The following PTPRT variants were observed in gnomAD, a reference collection of about 807,000 sequenced individuals.
PTPRT encodes the protein receptor-type tyrosine-protein phosphatase T.
A neutral mutation model predicts 176.8 loss-of-function variants in PTPRT; 56 were observed. The ratio of observed to expected loss-of-function variants is 0.32; its 90% CI spans 0.26 to 0.40. The LOEUF (loss-of-function observed/expected upper bound fraction) is 0.40. PTPRT is among the 10% of genes least tolerant of loss of function. PTPRT has a pLI of 1.00. For missense variants in PTPRT, 1,540 were observed against 1,908.2 expected (o/e 0.81, Z 3.60); for synonymous variants, 783 against 739.0 (o/e 1.06, Z -0.96).
intron 16 of PTPRT, among the ~76,000 whole-genome samples, chr20:42,180,625 T>A (rs1211476396): frequency 3.9e-5 from 6 of 152,212 alleles, no homozygotes; most frequent in Non-Finnish European, 8.8e-5. Flanking sequence ...AAGTGCATAA[T>A]ATGTCAGGCA....
At chr20:42,776,021 C>G (rs996599951) in intron 4 of PTPRT, among the ~76,000 whole-genome samples, 1 of 152,164 alleles carries the variant, frequency 6.6e-6, no homozygotes, top group Non-Finnish European at 1.5e-5. Flanking sequence ...TCCCTGTAAG[C>G]AGTCCCTGGG....
At chr20:42,247,737 G>C (rs2056478925) in intron 14 of PTPRT, among the ~76,000 whole-genome samples, 1 of 152,214 alleles carries the variant, frequency 6.6e-6, no homozygotes. Context: ...GGAAGGTAGA[G>C]ACTAAGGTTG....
intron 1 of PTPRT, among the ~76,000 whole-genome samples, chr20:43,058,009 CAAGG>C (rs2146246243): frequency 6.6e-6 from 1 of 152,204 alleles, no homozygotes; most frequent in Non-Finnish European, 1.5e-5. Context: ...GGGGAACAGG[CAAGG>C]AAGGAAGTAT....
rs1477718874 is a variant in PTPRT, at chr20:42,240,442, C to T, written c.2313-4184G>A. Among the ~76,000 whole-genome samples the T allele has an allele frequency of 3.9e-5, 6 of 152,148 alleles. No individual in the cohort carries two copies. The East Asian group carries it at 1.2e-3, about 29-fold the overall frequency. On this transcript the variant is annotated intron_variant, in intron 14 of 30. Transcript: ENST00000373187. ...AATCCTGAGCAGGAAGACAGCTGTG[C>T]TTAGAAAAAACAAAACAAAACAAAA...
At chr20:42,880,336 G>T (rs2078996040) in intron 2 of PTPRT, among the ~76,000 whole-genome samples, 1 of 152,066 alleles carries the variant, frequency 6.6e-6, no homozygotes, top group Non-Finnish European at 1.5e-5. Context: ...GGGGACTGAG[G>T]GTCAGATTCA....
At chr20:42,295,146 G>T (rs2057370172) in intron 12 of PTPRT, among the ~76,000 whole-genome samples, 1 of 152,118 alleles carries the variant, frequency 6.6e-6, no homozygotes. Flanking sequence ...TGGGGAAAAT[G>T]CACCTGAAAA....
intron 1 of PTPRT, among the ~76,000 whole-genome samples, chr20:42,893,405 T>C (rs1221055312): frequency 2.0e-5 from 3 of 151,962 alleles, no homozygotes; most frequent in Non-Finnish European, 2.9e-5. Context: ...ACTTTTACAC[T>C]GTTGGTGGGA....
chr20:42,765,991 T>C (rs1370572320), intron 5 of PTPRT, among the ~76,000 whole-genome samples: 1 of 152,176 alleles, frequency 6.6e-6, no homozygotes, highest in Non-Finnish European at 1.5e-5. Flanking sequence ...AATTTACTCA[T>C]TGGAAAAATA....
At position 42,402,969 on chromosome 20, in the gene PTPRT, G is replaced by A. The variant is rs187952154; in HGVS notation, c.1560+45251C>T. On this transcript the variant is annotated intron_variant, in intron 9 of 30. Transcript: ENST00000373187. Reference sequence around the variant, plus strand: ...TATACAGCTGACATATATAAAAATGGCACAGTTTTAAGAAGGCAATCATTA... The same window carrying A: ...TATACAGCTGACATATATAAAAATGACACAGTTTTAAGAAGGCAATCATTA... Among the ~76,000 whole-genome samples, 3 of 152,158 alleles carry A rather than the reference G, an allele frequency of 2.0e-5. No homozygotes were observed. The East Asian group carries it at 5.8e-4, about 29-fold the overall frequency.
intron 7 of PTPRT, among the ~76,000 whole-genome samples, chr20:42,502,874 T>G (rs939259015): frequency 1.3e-5 from 2 of 152,136 alleles, no homozygotes; most frequent in African/African-American, 4.8e-5. Flanking sequence ...AATAGATGAT[T>G]GCAAACTGCT....
chr20:42,577,540 G>A (rs973900122), intron 7 of PTPRT, among the ~76,000 whole-genome samples: 1 of 152,196 alleles, frequency 6.6e-6, no homozygotes, highest in Non-Finnish European at 1.5e-5. Flanking sequence ...CTGCAGACTG[G>A]GGATGTTTAG....
At chr20:42,899,775 A>G (rs557699524) in intron 1 of PTPRT, among the ~76,000 whole-genome samples, 1 of 152,322 alleles carries the variant, frequency 6.6e-6, no homozygotes, top group South Asian at 2.1e-4. Context: ...AATATGATGA[A>G]GTGTCAGAAG....
chr20:42,245,510 C>T (rs1341953063), intron 14 of PTPRT, among the ~76,000 whole-genome samples: 1 of 152,210 alleles, frequency 6.6e-6, no homozygotes, highest in Non-Finnish European at 1.5e-5. Flanking sequence ...CAGGCAACAA[C>T]AACAAAACAC....
the PTPRT span, among the ~76,000 whole-genome samples, chr20:42,065,149 G>GAA: frequency 6.6e-6 from 1 of 152,208 alleles, no homozygotes; most frequent in Non-Finnish European, 1.5e-5. Flanking sequence ...GTAACCACAT[G>GAA]AAAGACCCTT....
intron 15 of PTPRT, among the ~76,000 whole-genome samples, chr20:42,232,205 T>C (rs549635091): frequency 2.1e-4 from 32 of 152,198 alleles, no homozygotes; most frequent in Non-Finnish European, 4.4e-4. Flanking sequence ...TTGAAGAGAC[T>C]GGTGAGCCAA....
At chr20:42,037,853 T>C in the PTPRT span, among the ~76,000 whole-genome samples, 1 of 152,214 alleles carries the variant, frequency 6.6e-6, no homozygotes, top group African/African-American at 2.4e-5. Flanking sequence ...GTTTATGGTT[T>C]GCTTCAGCTC....
At chr20:42,125,488 C>T (rs1987807492) in intron 19 of PTPRT, among the ~76,000 whole-genome samples, 1 of 152,144 alleles carries the variant, frequency 6.6e-6, no homozygotes, top group Admixed American at 6.5e-5. Flanking sequence ...ACAGCATGAA[C>T]AGAGGCCATT....
At chr20:42,259,004 T>C (rs988864595) in intron 13 of PTPRT, among the ~76,000 whole-genome samples, 2 of 152,224 alleles carry the variant, frequency 1.3e-5, no homozygotes, top group African/African-American at 4.8e-5. Context: ...CAACTAAAAC[T>C]GCTAAATATT....
At chr20:42,325,378 A>G (rs187129553) in intron 11 of PTPRT, among the ~76,000 whole-genome samples, 112 of 152,302 alleles carry the variant, frequency 7.4e-4, no homozygotes, top group African/African-American at 2.6e-3. Context: ...ATTTAATGAA[A>G]GTGAATTTTG....
Sources: gnomAD v4.1 joint callset for allele counts (sites outside exome capture counted in the v4.1 genomes callset) on GRCh38, gnomAD v4.1.1 for gene constraint, MANE v1.5 for transcripts, NCBI Gene and HGNC (gene_info 2026-07-23, HGNC 2026-07-21) for gene names.